CACNA1C: variants seen among roughly 807,000 people sequenced by gnomAD.
The protein encoded by CACNA1C is voltage-dependent L-type calcium channel subunit alpha-1C.
In CACNA1C, 30 loss-of-function variants were observed where a neutral mutation model predicts 229.0. The ratio of observed to expected loss-of-function variants is 0.13; its 90% CI spans 0.10 to 0.18. CACNA1C has a LOEUF of 0.18. Among genes scored for constraint, CACNA1C ranks in the 10% least tolerant of loss-of-function variants. CACNA1C has a pLI of 1.00. For missense variants in CACNA1C, 1,658 were observed against 2,845.0 expected (o/e 0.58, Z 9.49); for synonymous variants, 1,114 against 1,132.5 (o/e 0.98, Z 0.33).
At chr12:2,349,782 A>G (rs2097153431) in intron 3 of CACNA1C, among the ~76,000 whole-genome samples, 1 of 152,154 alleles carries the variant, frequency 6.6e-6, no homozygotes, top group Non-Finnish European at 1.5e-5. Context: ...TATGGGAGGA[A>G]CGCACCTTGC....
At position 2,653,877 on chromosome 12, in the gene CACNA1C, A is replaced by G. The variant is rs1272308907; in HGVS notation, c.4117A>G (p.Ile1373Val). Residue 1373 changes from isoleucine (I) to valine (V), a missense_variant, in exon 33 of 47, where the codon ATC becomes GTC. By Grantham distance (29) the Ile-to-Val change is conservative (BLOSUM62 3). This residue lies in a region of CACNA1C where 151 missense variants were observed against 344.4 expected (regional missense o/e 0.44). Coordinates refer to ENST00000399655, the MANE Select transcript of CACNA1C (RefSeq NM_000719.7). This position sits in a 1 kb window ranked among gnomAD's most constrained non-coding sequence, Gnocchi z 4.7. ...VALLIVMLFF[I>V]YAVIGMQVFG... Reference sequence around the variant, plus strand: ...CCTCCTGATCGTGATGCTGTTCTTCATCTACGCGGTGATCGGGATGCAGGT... The same window carrying G: ...CCTCCTGATCGTGATGCTGTTCTTCGTCTACGCGGTGATCGGGATGCAGGT... The G allele has an allele frequency of 3.1e-6, 5 of 1,613,728 alleles. No homozygotes were observed. Among genetic ancestry groups the G allele is most frequent in the Non-Finnish European group, 4.2e-6 (5 of 1,179,884 alleles).
chr12:2,246,709 G>A (rs2073427515), intron 3 of CACNA1C, among the ~76,000 whole-genome samples: 1 of 152,152 alleles, frequency 6.6e-6, no homozygotes, highest in Admixed American at 6.5e-5. Context: ...GCTACGCTCT[G>A]TCCTAACCTG....
intron 1 of CACNA1C, among the ~76,000 whole-genome samples, chr12:2,015,687 G>T (rs114368944): frequency 0.015 from 2,294 of 152,290 alleles, 61 homozygotes; most frequent in African/African-American, 0.053. Context: ...GGATTCTGAA[G>T]TTGGGCCCTG....
At chr12:2,495,455 G>A (rs1247735422) in intron 7 of CACNA1C, among the ~76,000 whole-genome samples, 2 of 152,218 alleles carry the variant, frequency 1.3e-5, no homozygotes, top group Non-Finnish European at 2.9e-5. Flanking sequence ...TGGAGGGTAG[G>A]AATAGATATG....
At chr12:2,321,861 T>C (rs1221132361) in intron 3 of CACNA1C, among the ~76,000 whole-genome samples, 2 of 152,230 alleles carry the variant, frequency 1.3e-5, no homozygotes, top group African/African-American at 4.8e-5. Flanking sequence ...TGGCAACTGG[T>C]TCCTTCCTCG....
chr12:2,005,522 C>T (rs976822547), intron 1 of CACNA1C, among the ~76,000 whole-genome samples: 1 of 152,132 alleles, frequency 6.6e-6, no homozygotes, highest in Non-Finnish European at 1.5e-5. Context: ...ATTACTGCTG[C>T]CAATGATAAT....
chr12:2,527,907 A>G (rs2099825328), intron 9 of CACNA1C, among the ~76,000 whole-genome samples: 1 of 152,228 alleles, frequency 6.6e-6, no homozygotes, highest in African/African-American at 2.4e-5. Context: ...CTAGGTTTTC[A>G]TCAAGAAGAT....
At chr12:2,232,649 T>A (rs1172816048) in intron 3 of CACNA1C, among the ~76,000 whole-genome samples, 1 of 152,180 alleles carries the variant, frequency 6.6e-6, no homozygotes, top group East Asian at 1.9e-4. Flanking sequence ...CCCTGGTACA[T>A]CTTGTTTACA....
intron 3 of CACNA1C, among the ~76,000 whole-genome samples, chr12:2,379,454 G>A (rs891402752): frequency 2.6e-5 from 4 of 152,168 alleles, no homozygotes; most frequent in African/African-American, 9.7e-5. Flanking sequence ...TCACCCTGGG[G>A]CTGGGGACAA....
At chr12:1,996,644 A>AC (rs2040924338) in intron 1 of CACNA1C, among the ~76,000 whole-genome samples, 2 of 89,390 alleles carry the variant, frequency 2.2e-5, no homozygotes, top group South Asian at 3.3e-4. Context: ...AAAAAAAAAA[A>AC]AAAAAAAAAA....
At chr12:1,986,880 A>G (rs956353558) in intron 1 of CACNA1C, among the ~76,000 whole-genome samples, 6 of 152,196 alleles carry the variant, frequency 3.9e-5, no homozygotes, top group Non-Finnish European at 8.8e-5. Context: ...AAACAGTGGG[A>G]GAGATATACT....
chr12:2,487,555 C>T (rs2099702469), intron 6 of CACNA1C, among the ~76,000 whole-genome samples: 1 of 151,360 alleles, frequency 6.6e-6, no homozygotes, highest in African/African-American at 2.4e-5. Context: ...AAAACGTATA[C>T]TCCTATAGAC....
chr12:2,461,816 C>T (rs74334859), intron 5 of CACNA1C, among the ~76,000 whole-genome samples: 2,453 of 152,306 alleles, frequency 0.016, 29 homozygotes, highest in Middle Eastern at 0.027. Flanking sequence ...CTCTTACCAC[C>T]TGCACACTCA....
intron 3 of CACNA1C, among the ~76,000 whole-genome samples, chr12:2,401,309 G>T (rs1409569777): frequency 6.6e-6 from 1 of 152,214 alleles, no homozygotes; most frequent in Non-Finnish European, 1.5e-5. Context: ...TTGGGCAGCA[G>T]CCAGGGTGCC....
At chr12:2,225,779 G>A (rs1203198010) in intron 3 of CACNA1C, among the ~76,000 whole-genome samples, 1 of 152,152 alleles carries the variant, frequency 6.6e-6, no homozygotes, top group Non-Finnish European at 1.5e-5. Context: ...GAATATTGTG[G>A]TCATTGCATT....
chr12:2,446,675 G>A (rs1311256425), intron 3 of CACNA1C, among the ~76,000 whole-genome samples: 2 of 150,118 alleles, frequency 1.3e-5, no homozygotes, highest in South Asian at 2.2e-4. Flanking sequence ...AAAGATAGAT[G>A]AATGGATGGG....
At chr12:2,052,890 G>T, upstream of CACNA1C, 1 of 657,026 alleles carries the variant, frequency 1.5e-6, no homozygotes. Flanking sequence ...TGCCTCCGGC[G>T]CGCCGGGCGG....
At chr12:2,118,827 G>A (rs1220819965) in intron 2 of CACNA1C, among the ~76,000 whole-genome samples, 1 of 152,172 alleles carries the variant, frequency 6.6e-6, no homozygotes, top group Non-Finnish European at 1.5e-5. Context: ...TGGGGTCTTG[G>A]ACTGGCTGCT....
intron 3 of CACNA1C, among the ~76,000 whole-genome samples, chr12:2,342,765 A>G (rs966152804): frequency 3.9e-5 from 6 of 152,220 alleles, no homozygotes; most frequent in African/African-American, 1.4e-4. Flanking sequence ...TTATTGAGGT[A>G]TACCAGTTCT....
Sources: allele counts gnomAD v4.1 joint callset (sites outside exome capture counted in the v4.1 genomes callset), GRCh38; gene constraint gnomAD v4.1.1; regional missense constraint gnomAD v4.1.1; non-coding constraint Gnocchi (gnomAD v3.1); transcripts MANE v1.5; gene names NCBI Gene and HGNC (gene_info 2026-07-23, HGNC 2026-07-21).